The following PRKCA variants were observed in gnomAD, a reference collection of about 807,000 sequenced individuals.
PRKCA encodes protein kinase C alpha, also known as protein kinase C alpha type.
Under a neutral mutation model 87.0 loss-of-function variants are expected in PRKCA, and 27 were observed. That is an observed-to-expected ratio of 0.31 (90% confidence interval 0.23 to 0.43). The LOEUF (loss-of-function observed/expected upper bound fraction) is 0.43, where lower values mean the gene tolerates loss of function less well. PRKCA is among the 20% of genes least tolerant of loss of function. PRKCA has a pLI of 1.00. For synonymous variants in PRKCA, 329 were observed against 311.1 expected (o/e 1.06, Z -0.61); for missense variants, 518 against 852.3 (o/e 0.61, Z 4.88).
intron 4 of PRKCA, among the ~76,000 whole-genome samples, chr17:66,644,178 T>C (rs974921073): frequency 4.6e-5 from 7 of 152,372 alleles, no homozygotes; most frequent in Admixed American, 2.0e-4. Context: ...AGAAGCCTAA[T>C]AGCATCCACA....
chr17:66,628,210 A>G (rs1046117902), intron 3 of PRKCA, among the ~76,000 whole-genome samples: 2 of 151,486 alleles, frequency 1.3e-5, no homozygotes, highest in Admixed American at 1.3e-4. Flanking sequence ...TTTTATGTTC[A>G]CCTCTTTGGC....
At chr17:66,754,993 GA>G (rs1436153583) in intron 13 of PRKCA, among the ~76,000 whole-genome samples, 1 of 152,152 alleles carries the variant, frequency 6.6e-6, no homozygotes, top group African/African-American at 2.4e-5. Flanking sequence ...GGCGGCGGGG[GA>G]TGCAATTCCA....
chr17:66,391,275 C>T (rs1910343667), intron 2 of PRKCA, among the ~76,000 whole-genome samples: 1 of 152,198 alleles, frequency 6.6e-6, no homozygotes. Flanking sequence ...CTTGCATATA[C>T]TTTGTTCGTT....
chr17:66,744,613 T>C (rs1974233185), intron 13 of PRKCA, among the ~76,000 whole-genome samples: 1 of 152,222 alleles, frequency 6.6e-6, no homozygotes, highest in East Asian at 1.9e-4. Context: ...CATTAAGGTT[T>C]GTCCATTTGA....
intron 2 of PRKCA, among the ~76,000 whole-genome samples, chr17:66,383,399 A>ATTTTTTTTTTTTT (rs11379801): frequency 6.8e-6 from 1 of 147,196 alleles, no homozygotes; most frequent in African/African-American, 2.5e-5. Context: ...GGAAAAGCCT[A>ATTTTTTTTTTTTT]TTTTTTTTTT....
intron 3 of PRKCA, among the ~76,000 whole-genome samples, chr17:66,571,480 A>T (rs1275396842): frequency 6.6e-6 from 1 of 152,206 alleles, no homozygotes; most frequent in African/African-American, 2.4e-5. Flanking sequence ...TTATCACTAA[A>T]ATTTGCAGCA....
intron 3 of PRKCA, among the ~76,000 whole-genome samples, chr17:66,585,602 G>T (rs1969568852): frequency 6.6e-6 from 1 of 152,234 alleles, no homozygotes; most frequent in South Asian, 2.1e-4. Context: ...AGATGTCTCA[G>T]CTGACCACCA....
At chr17:66,423,429 CAA>C (rs1431385921) in intron 2 of PRKCA, among the ~76,000 whole-genome samples, 1 of 152,124 alleles carries the variant, frequency 6.6e-6, no homozygotes, top group Non-Finnish European at 1.5e-5. Context: ...AGGTTGGACT[CAA>C]ATTTTTATCT....
intron 2 of PRKCA, 146 bp downstream of exon 2, chr17:66,306,273 T>A: frequency 1.3e-6 from 1 of 751,176 alleles, no homozygotes; most frequent in Non-Finnish European, 2.1e-6. Flanking sequence ...ATTTGGGCCT[T>A]AAAAAATAAT....
At chr17:66,458,248 A>T (rs1914662307) in intron 2 of PRKCA, among the ~76,000 whole-genome samples, 1 of 152,206 alleles carries the variant, frequency 6.6e-6, no homozygotes, top group African/African-American at 2.4e-5. Context: ...TTTTGTCAGG[A>T]TCTTGTAGTT....
intron 3 of PRKCA, among the ~76,000 whole-genome samples, chr17:66,502,378 G>A (rs963248441): frequency 1.3e-5 from 2 of 151,664 alleles, no homozygotes; most frequent in South Asian, 2.1e-4. Context: ...GGGACTACGG[G>A]CATGCACCAC....
chr17:66,709,694 CCTTTTT>C (rs1189644592), intron 8 of PRKCA, among the ~76,000 whole-genome samples: 5 of 149,952 alleles, frequency 3.3e-5, no homozygotes, highest in Non-Finnish European at 7.4e-5. Flanking sequence ...TTTTTTTTTC[CCTTTTT>C]CTTTTTCGGT....
At chr17:66,348,116 A>G (rs1907517092) in intron 2 of PRKCA, among the ~76,000 whole-genome samples, 1 of 151,460 alleles carries the variant, frequency 6.6e-6, no homozygotes, top group African/African-American at 2.4e-5. Flanking sequence ...TAATTTTTAT[A>G]GTTTTAGTAG....
intron 2 of PRKCA, among the ~76,000 whole-genome samples, chr17:66,491,106 A>G (rs1011686765): frequency 1.3e-5 from 2 of 152,120 alleles, no homozygotes; most frequent in East Asian, 1.9e-4. Flanking sequence ...TTTTTGTCCC[A>G]CCATGTCATT....
chr17:66,331,821 C>G (rs910895892), intron 2 of PRKCA, among the ~76,000 whole-genome samples: 9 of 152,184 alleles, frequency 5.9e-5, no homozygotes, highest in Non-Finnish European at 8.8e-5. Flanking sequence ...TCTGTATTAT[C>G]TTTGTTTCTG....
chr17:66,367,379 A>G (rs1430923847), intron 2 of PRKCA, among the ~76,000 whole-genome samples: 1 of 152,216 alleles, frequency 6.6e-6, no homozygotes, highest in Non-Finnish European at 1.5e-5. Flanking sequence ...CAGGTGAAAA[A>G]TGATGGTTTG....
At chr17:66,787,081 C>G in intron 15 of PRKCA, 107 bp downstream of exon 15, 1 of 926,912 alleles carries the variant, frequency 1.1e-6, no homozygotes, top group South Asian at 1.3e-5. Context: ...CAAACCCACA[C>G]CACTGCATTT....
intron 2 of PRKCA, among the ~76,000 whole-genome samples, chr17:66,353,602 G>C (rs1218112972): frequency 6.6e-6 from 1 of 152,200 alleles, no homozygotes; most frequent in South Asian, 2.1e-4. Flanking sequence ...TGTAATCCCA[G>C]CTATTCAGGA....
At chr17:66,584,482 T>C (rs1311695468) in intron 3 of PRKCA, among the ~76,000 whole-genome samples, 1 of 152,152 alleles carries the variant, frequency 6.6e-6, no homozygotes, top group Non-Finnish European at 1.5e-5. Context: ...TGCCTTGGCC[T>C]CCCAAAGTGC....
Sources: allele counts gnomAD v4.1 joint callset (sites outside exome capture counted in the v4.1 genomes callset), GRCh38; gene constraint gnomAD v4.1.1; transcripts MANE v1.5; gene names NCBI Gene and HGNC (gene_info 2026-07-23, HGNC 2026-07-21).